INPP4B: variants seen among roughly 807,000 people sequenced by gnomAD.
The protein encoded by INPP4B is inositol polyphosphate-4-phosphatase type II B.
INPP4B carries 55 observed loss-of-function variants against 122.5 expected under a neutral mutation model. That is an observed-to-expected ratio of 0.45 (90% confidence interval 0.36 to 0.56). The LOEUF (loss-of-function observed/expected upper bound fraction) is 0.56. Ranked by LOEUF, INPP4B falls within the 20% of genes least tolerant of loss-of-function variation. INPP4B has a pLI of 0.00. For missense variants in INPP4B, 1,000 were observed against 1,097.7 expected, an observed-to-expected ratio of 0.91 and a Z score of 1.26; for synonymous variants, 403 against 388.7, an observed-to-expected ratio of 1.04 and a Z score of -0.43.
chr4:142,221,250 A>G lies in INPP4B; in HGVS notation c.837-12224T>C, dbSNP rs554722606. On this transcript the variant is annotated intron_variant, in intron 12 of 25. Coordinates refer to ENST00000262992, the MANE Select transcript of INPP4B (RefSeq NM_001101669.3). ...ATGTCTCTACTAAAAAATACAAAAAATTAGCCAGGCTTGGTGGCAGGCACC... is the reference window on the plus strand; with the variant it reads ...ATGTCTCTACTAAAAAATACAAAAAGTTAGCCAGGCTTGGTGGCAGGCACC... Among the ~76,000 whole-genome samples, 87 of 151,988 alleles carry G rather than the reference A, an allele frequency of 5.7e-4. 1 individual carries two copies. In the South Asian group the frequency reaches 7.7e-3, roughly 13 times the overall value.
intron 4 of INPP4B, among the ~76,000 whole-genome samples, chr4:142,430,878 A>G (rs1242873443): frequency 6.6e-6 from 1 of 152,134 alleles, no homozygotes. Context: ...TATACTTAAA[A>G]AGTATTCATT....
intron 15 of INPP4B, among the ~76,000 whole-genome samples, chr4:142,176,953 G>T (rs531289168): frequency 1.0e-3 from 154 of 152,156 alleles, no homozygotes; most frequent in Non-Finnish European, 1.9e-3. Context: ...AGTTGCTTTG[G>T]TTCCCTCTTC....
chr4:142,036,705 T>C (rs1181409229), intron 25 of INPP4B, among the ~76,000 whole-genome samples: 1 of 152,214 alleles, frequency 6.6e-6, no homozygotes, highest in East Asian at 1.9e-4. Flanking sequence ...ACGGAATTAA[T>C]TTGTTGTTAA....
Position 142,701,587 on chromosome 4 carries a change from A to G in INPP4B, c.-191+24252T>C, listed in dbSNP as rs147925265. 2.8e-3 allele frequency among the ~76,000 whole-genome samples: 424 copies of G among 152,248 alleles called. 1 individual carries two copies. Among genetic ancestry groups the G allele is most frequent in the Non-Finnish European group, 4.6e-3 (314 of 68,026 alleles). On this transcript the variant is annotated intron_variant, in intron 2 of 25. Transcript: ENST00000262992. ...TGGGCTTGTTTCTATTTCACCAAATACATATTAATATATATGAAATTGTAG... is the reference window on the plus strand; with the variant it reads ...TGGGCTTGTTTCTATTTCACCAAATGCATATTAATATATATGAAATTGTAG...
intron 1 of INPP4B, among the ~76,000 whole-genome samples, chr4:142,791,934 C>T (rs942827178): frequency 3.9e-5 from 6 of 152,052 alleles, no homozygotes; most frequent in Admixed American, 1.3e-4. Context: ...CTGGCACCCA[C>T]GTATGGTTGA....
intron 2 of INPP4B, among the ~76,000 whole-genome samples, chr4:142,501,179 C>A (rs986180611): frequency 1.3e-5 from 2 of 152,164 alleles, no homozygotes; most frequent in Non-Finnish European, 2.9e-5. Context: ...CTAATGTTCA[C>A]TAGGTCATCA....
intron 7 of INPP4B, among the ~76,000 whole-genome samples, chr4:142,401,298 C>T (rs1801505553): frequency 6.6e-6 from 1 of 152,058 alleles, no homozygotes; most frequent in South Asian, 2.1e-4. Context: ...GGTGAGAGCT[C>T]TGGGCATAAT....
chr4:142,232,108 C>T (rs972627642), intron 12 of INPP4B, among the ~76,000 whole-genome samples: 1 of 152,066 alleles, frequency 6.6e-6, no homozygotes, highest in Admixed American at 6.6e-5. Flanking sequence ...TACTATCTTG[C>T]CCTTTAAGAA....
chr4:142,326,952 G>T (rs1448786582), intron 7 of INPP4B, among the ~76,000 whole-genome samples: 1 of 152,174 alleles, frequency 6.6e-6, no homozygotes, highest in Non-Finnish European at 1.5e-5. Context: ...ACATTAAACA[G>T]TCTCCTTCCA....
intron 25 of INPP4B, among the ~76,000 whole-genome samples, chr4:142,040,697 G>A (rs1334617904): frequency 1.3e-5 from 2 of 152,112 alleles, no homozygotes; most frequent in Non-Finnish European, 2.9e-5. Flanking sequence ...GCTTTTCTCT[G>A]TACAGAAACT....
At chr4:142,200,690 CA>C (rs1348146156) in intron 14 of INPP4B, among the ~76,000 whole-genome samples, 1 of 151,776 alleles carries the variant, frequency 6.6e-6, no homozygotes, top group Admixed American at 6.6e-5. Context: ...TATTGATAAG[CA>C]AGAAAACAAT....
intron 8 of INPP4B, among the ~76,000 whole-genome samples, chr4:142,311,159 G>T (rs181976337): frequency 6.6e-6 from 1 of 152,046 alleles, no homozygotes; most frequent in Non-Finnish European, 1.5e-5. Flanking sequence ...TCTGTTTTGC[G>T]GTGTCCAAGG....
At chr4:142,335,365 C>G (rs1216591617) in intron 7 of INPP4B, among the ~76,000 whole-genome samples, 1 of 152,030 alleles carries the variant, frequency 6.6e-6, no homozygotes, top group African/African-American at 2.4e-5. Context: ...TGTTATTTTT[C>G]TAGTCCAAAA....
intron 1 of INPP4B, among the ~76,000 whole-genome samples, chr4:142,727,153 T>C (rs1010076116): frequency 5.9e-5 from 9 of 152,190 alleles, no homozygotes; most frequent in South Asian, 2.1e-4. Context: ...TCTGGGTCTT[T>C]CAGGCTGGTG....
chr4:142,082,624 A>C (rs1223083117), intron 24 of INPP4B, among the ~76,000 whole-genome samples: 1 of 152,204 alleles, frequency 6.6e-6, no homozygotes, highest in African/African-American at 2.4e-5. Context: ...TATAGCTAAT[A>C]TTCTCTTATT....
chr4:142,788,303 G>T (rs547586482), intron 1 of INPP4B, among the ~76,000 whole-genome samples: 1 of 151,902 alleles, frequency 6.6e-6, no homozygotes, highest in African/African-American at 2.4e-5. Flanking sequence ...AAAAGTATAA[G>T]ATTAAAAAAT....
intron 7 of INPP4B, among the ~76,000 whole-genome samples, chr4:142,379,727 A>T (rs1042144267): frequency 1.3e-5 from 2 of 152,244 alleles, no homozygotes; most frequent in African/African-American, 4.8e-5. Context: ...AGTCAGAAGA[A>T]ATATTTTGGC....
chr4:142,748,448 T>C (rs1769131193), intron 1 of INPP4B, among the ~76,000 whole-genome samples: 2 of 152,048 alleles, frequency 1.3e-5, no homozygotes. Context: ...CACAAGTTAG[T>C]TCTTTGAAAA....
At chr4:142,728,458 T>A (rs536634357) in intron 1 of INPP4B, among the ~76,000 whole-genome samples, 1 of 152,152 alleles carries the variant, frequency 6.6e-6, no homozygotes, top group African/African-American at 2.4e-5. Flanking sequence ...CTGAATATGA[T>A]CTTATTCAGA....
Sources: gnomAD v4.1 joint callset for allele counts (sites outside exome capture counted in the v4.1 genomes callset) on GRCh38, gnomAD v4.1.1 for gene constraint, MANE v1.5 for transcripts, NCBI Gene and HGNC (gene_info 2026-07-23, HGNC 2026-07-21) for gene names.